Variants in ATXN1 observed in about 807,000 individuals in gnomAD.
The protein encoded by ATXN1 is ataxin 1, also known as ataxin-1.
Under a neutral mutation model 56.4 loss-of-function variants are expected in ATXN1, and 8 were observed. That is an observed-to-expected ratio of 0.14 (90% CI 0.08 to 0.26). The LOEUF is 0.26. ATXN1 is among the 10% of genes least tolerant of loss of function. The pLI is 1.00. For synonymous variants in ATXN1, 514 were observed against 494.6 expected, an observed-to-expected ratio of 1.04 and a Z score of -0.52; for missense variants, 987 against 1,106.5, an observed-to-expected ratio of 0.89 and a Z score of 1.53.
At chr6:16,486,704 C>T (rs375671008) in intron 5 of ATXN1, among the ~76,000 whole-genome samples, 3 of 151,928 alleles carry the variant, frequency 2.0e-5, no homozygotes, top group South Asian at 2.1e-4. Context: ...CTGGAATCTC[C>T]GGGAAAAAGA....
At chr6:16,321,101 G>A (rs982016720) in intron 7 of ATXN1, among the ~76,000 whole-genome samples, 1 of 152,192 alleles carries the variant, frequency 6.6e-6, no homozygotes, top group African/African-American at 2.4e-5. Flanking sequence ...TGCTACTGAC[G>A]GGTGAGGGAT....
chr6:16,756,389 T>C (rs1026462184), intron 1 of ATXN1, among the ~76,000 whole-genome samples: 2 of 152,162 alleles, frequency 1.3e-5, no homozygotes, highest in South Asian at 4.1e-4. Context: ...ACATAATTGA[T>C]GACTTAAAAT....
chr6:16,536,738 A>C (rs1761606188), intron 4 of ATXN1, among the ~76,000 whole-genome samples: 2 of 152,262 alleles, frequency 1.3e-5, no homozygotes, highest in African/African-American at 4.8e-5. Flanking sequence ...CAATGCAATT[A>C]GGCTATTAAA....
At chr6:16,739,078 C>G (rs1332898313) in intron 2 of ATXN1, 1 of 148,640 alleles carries the variant, frequency 6.7e-6, no homozygotes, top group African/African-American at 2.5e-5. Flanking sequence ...TGCACTTGTT[C>G]TATTGTAGTT....
rs183628409 is a variant in ATXN1 at position 16,583,430 on chromosome 6, C to T, written c.-361+2350G>A. On this transcript the variant is annotated intron_variant, in intron 4 of 7. Coordinates refer to ENST00000436367, the MANE Select transcript of ATXN1 (RefSeq NM_001128164.2). Reference sequence around the variant, plus strand: ...CAAACCTACAGCCTTCCCCTTCATGCATCTGTAGGATAAAGCATGCGTTTC... The same window carrying T: ...CAAACCTACAGCCTTCCCCTTCATGTATCTGTAGGATAAAGCATGCGTTTC... Among the ~76,000 whole-genome samples, 4 of 152,302 alleles carry T rather than the reference C, an allele frequency of 2.6e-5. No homozygotes were observed. In the East Asian group the frequency reaches 5.8e-4, roughly 22 times the overall value.
chr6:16,731,958 T>C (rs942437576), intron 2 of ATXN1, among the ~76,000 whole-genome samples: 10 of 152,160 alleles, frequency 6.6e-5, no homozygotes, highest in Non-Finnish European at 1.3e-4. Context: ...CCTATAGTAA[T>C]AGCTGTCACA....
intron 6 of ATXN1, among the ~76,000 whole-genome samples, chr6:16,353,003 G>T (rs992612963): frequency 8.5e-5 from 13 of 152,128 alleles, no homozygotes; most frequent in Non-Finnish European, 1.8e-4. Flanking sequence ...CACCGGCGGG[G>T]AGCGCTGCGC....
chr6:16,552,630 C>G (rs1438661545), intron 4 of ATXN1, among the ~76,000 whole-genome samples: 1 of 152,208 alleles, frequency 6.6e-6, no homozygotes, highest in East Asian at 1.9e-4. Flanking sequence ...CTCAAAGATA[C>G]TCACACTTTT....
chr6:16,344,127 G>T (rs1042520363), intron 6 of ATXN1, among the ~76,000 whole-genome samples: 1 of 151,992 alleles, frequency 6.6e-6, no homozygotes, highest in Non-Finnish European at 1.5e-5. Context: ...CCTCCTTAAG[G>T]CTCTCCCCAC....
chr6:16,607,854 G>GC (rs1464861214), intron 3 of ATXN1, among the ~76,000 whole-genome samples: 1 of 152,148 alleles, frequency 6.6e-6, no homozygotes, highest in Non-Finnish European at 1.5e-5. Context: ...GGTCTGAAAT[G>GC]CCCAAGGCAT....
intron 2 of ATXN1, among the ~76,000 whole-genome samples, chr6:16,720,518 C>T (rs562252124): frequency 6.6e-6 from 1 of 152,284 alleles, no homozygotes; most frequent in Non-Finnish European, 1.5e-5. Flanking sequence ...TGCTTTCACT[C>T]AATTATAAAA....
intron 3 of ATXN1, among the ~76,000 whole-genome samples, chr6:16,602,702 G>C (rs13192226): frequency 1.5e-3 from 233 of 152,170 alleles, no homozygotes; most frequent in African/African-American, 5.5e-3. Context: ...CACCCGCTTC[G>C]GCCTCCCAAA....
intron 4 of ATXN1, among the ~76,000 whole-genome samples, chr6:16,546,641 C>T (rs1437324992): frequency 6.6e-6 from 1 of 152,210 alleles, no homozygotes; most frequent in Non-Finnish European, 1.5e-5. Context: ...ATTGCTACTA[C>T]AAGATATAAT....
At chr6:16,555,895 CTGTCCTGGTATTT>C (rs1762004413) in intron 4 of ATXN1, among the ~76,000 whole-genome samples, 3 of 152,320 alleles carry the variant, frequency 2.0e-5, no homozygotes, top group Admixed American at 1.3e-4. Context: ...AAGGGACAGC[CTGTCCTGGTATTT>C]ATTACTAGAG....
At chr6:16,537,001 T>G (rs539223377) in intron 4 of ATXN1, among the ~76,000 whole-genome samples, 4 of 152,246 alleles carry the variant, frequency 2.6e-5, no homozygotes, top group South Asian at 2.1e-4. Flanking sequence ...ATTTACTCAT[T>G]CTACCTTCAA....
intron 4 of ATXN1, among the ~76,000 whole-genome samples, chr6:16,542,892 T>A (rs185129559): frequency 6.6e-6 from 1 of 152,282 alleles, no homozygotes; most frequent in African/African-American, 2.4e-5. Flanking sequence ...CTAAAAGTTA[T>A]GTGAATGTGG....
chr6:16,516,833 T>C (rs1011341984), intron 5 of ATXN1, among the ~76,000 whole-genome samples: 2 of 152,356 alleles, frequency 1.3e-5, no homozygotes, highest in Non-Finnish European at 2.9e-5. Flanking sequence ...TGCCACTTAA[T>C]GAGACAAGAG....
chr6:16,695,645 A>G (rs955600215), intron 2 of ATXN1, among the ~76,000 whole-genome samples: 8 of 152,230 alleles, frequency 5.3e-5, no homozygotes, highest in African/African-American at 1.9e-4. Context: ...CTGAAGTTCT[A>G]GAAAATGTCC....
chr6:16,559,087 G>C (rs1449146757), intron 4 of ATXN1, among the ~76,000 whole-genome samples: 1 of 152,156 alleles, frequency 6.6e-6, no homozygotes, highest in African/African-American at 2.4e-5. Context: ...CTAGAATATA[G>C]TAGTTTTCAC....
Sources: gnomAD v4.1 joint callset for allele counts (sites outside exome capture counted in the v4.1 genomes callset) on GRCh38, gnomAD v4.1.1 for gene constraint, MANE v1.5 for transcripts, NCBI Gene and HGNC (gene_info 2026-07-23, HGNC 2026-07-21) for gene names.